CERKL: variants seen among roughly 807,000 people sequenced by gnomAD.
The protein encoded by CERKL is ceramide kinase-like protein.
In CERKL, 61 loss-of-function variants were observed where a neutral mutation model predicts 63.4. That is an observed-to-expected ratio of 0.96 (90% CI 0.78 to 1.19). CERKL has a LOEUF of 1.19. Ranked by LOEUF, CERKL falls within the 50% of genes most tolerant of loss-of-function variation. The probability of loss-of-function intolerance (pLI) is 0.00; values close to 1 mark genes in which losing one functional copy is unlikely to be tolerated. For synonymous variants in CERKL, 250 were observed against 230.5 expected (o/e 1.08, Z -0.77); for missense variants, 675 against 655.5 (o/e 1.03, Z -0.33).
chr2:181,584,803 A>G (rs778515109), intron 2 of CERKL, among the ~76,000 whole-genome samples: 2 of 151,738 alleles, frequency 1.3e-5, no homozygotes, highest in East Asian at 1.9e-4. Context: ...TAAAATCCCC[A>G]AATAGCTCCC....
At chr2:181,654,230 G>A (rs1483695838) in intron 1 of CERKL, among the ~76,000 whole-genome samples, 4 of 150,574 alleles carry the variant, frequency 2.7e-5, no homozygotes, top group Non-Finnish European at 4.4e-5. Context: ...GCCTCTTTTC[G>A]AAAGCCTCAC....
chr2:181,566,758 G>A (rs1245261377), intron 3 of CERKL, among the ~76,000 whole-genome samples: 1 of 152,146 alleles, frequency 6.6e-6, no homozygotes, highest in East Asian at 1.9e-4. Context: ...AGTCACTGAT[G>A]CCCTATGCAG....
intron 1 of CERKL, among the ~76,000 whole-genome samples, chr2:181,618,925 A>AT (rs1052524449): frequency 2.3e-4 from 35 of 152,308 alleles, no homozygotes; most frequent in African/African-American, 7.9e-4. Flanking sequence ...AAATGGCATG[A>AT]TTTATGCATT....
chr2:181,632,750 C>T (rs1184519392), intron 1 of CERKL, among the ~76,000 whole-genome samples: 2 of 152,172 alleles, frequency 1.3e-5, no homozygotes, highest in African/African-American at 4.8e-5. Flanking sequence ...CCTCCCTCAT[C>T]CTGTGGCTCC....
At chr2:181,598,299 T>G (rs1259324011) in intron 2 of CERKL, among the ~76,000 whole-genome samples, 2 of 152,102 alleles carry the variant, frequency 1.3e-5, no homozygotes, top group East Asian at 3.9e-4. Context: ...ATTTTGGTGG[T>G]TGCCTTCAGA....
intron 1 of CERKL, among the ~76,000 whole-genome samples, chr2:181,652,880 T>C (rs1687998728): frequency 6.6e-6 from 1 of 152,086 alleles, no homozygotes; most frequent in Non-Finnish European, 1.5e-5. Flanking sequence ...GTTCAAGCAA[T>C]TCTCCTGCCT....
chr2:181,565,364 T>G, intron 4 of CERKL: 2 of 1,024,548 alleles, frequency 2.0e-6, no homozygotes, highest in South Asian at 2.5e-5. Context: ...GTCTTACACA[T>G]CAGTCCAACA....
At chr2:181,561,964 C>G (rs964178842) in intron 4 of CERKL, among the ~76,000 whole-genome samples, 2 of 152,156 alleles carry the variant, frequency 1.3e-5, no homozygotes, top group African/African-American at 4.8e-5. Flanking sequence ...CAGGCACACA[C>G]CATCACACCC....
chr2:181,556,046 C>A (rs950148529), intron 5 of CERKL, among the ~76,000 whole-genome samples: 7 of 152,010 alleles, frequency 4.6e-5, no homozygotes, highest in African/African-American at 1.4e-4. Context: ...GCCACTGCAC[C>A]CGGCCTTATT....
chr2:181,646,611 G>A (rs1028814294), intron 1 of CERKL, among the ~76,000 whole-genome samples: 1 of 152,194 alleles, frequency 6.6e-6, no homozygotes, highest in Non-Finnish European at 1.5e-5. Flanking sequence ...AGGAACAGCA[G>A]ATCAGACCAC....
intron 1 of CERKL, among the ~76,000 whole-genome samples, chr2:181,646,737 A>G (rs1289069752): frequency 6.6e-6 from 1 of 152,218 alleles, no homozygotes; most frequent in Admixed American, 6.5e-5. Context: ...AAGTCAAATG[A>G]AGGAGAAATA....
chr2:181,657,054 G>C lies in CERKL; in HGVS notation c.-48C>G. ...GAGCCAGGGGTCCGGGGAGGCCTTT[G>C]GAGAAGGAGGTGGAGGGCGCGGCAG... On this transcript the variant is annotated 5_prime_UTR_variant, in exon 1 of 13. Coordinates refer to ENST00000410087, the MANE Select transcript of CERKL (RefSeq NM_201548.5). The C allele has an allele frequency of 6.6e-7, 1 of 1,503,984 alleles. No individual in the cohort carries two copies. Among genetic ancestry groups the C allele is most frequent in the African/African-American group, 1.4e-5 (1 of 72,592 alleles). The allele number at this position is 1,503,984 out of a possible 1,614,324, so 93.2% of individuals were successfully genotyped here. A position where few individuals can be genotyped will look rare whatever the true frequency, so the allele number is the denominator to read the frequency against.
At chr2:181,538,393 CTGAT>C in intron 12 of CERKL, 149 bp from the exon 13 acceptor site, 1 of 611,094 alleles carries the variant, frequency 1.6e-6, no homozygotes, top group South Asian at 2.0e-5. Flanking sequence ...CTGAGAAGGT[CTGAT>C]TGATAAATCA....
At chr2:181,653,088 A>C (rs1291843851) in intron 1 of CERKL, among the ~76,000 whole-genome samples, 2 of 152,170 alleles carry the variant, frequency 1.3e-5, no homozygotes, top group Non-Finnish European at 2.9e-5. Flanking sequence ...GATTTTTTAA[A>C]TGGGCAAACG....
chr2:181,548,875 A>T lies in CERKL; in HGVS notation c.896-18T>A, dbSNP rs13003064. 0.59 allele frequency: 948,370 copies of T among 1,607,236 alleles called. 284,103 individuals carry two copies. Among genetic ancestry groups the T allele is most frequent in the South Asian group, 0.84 (76,047 of 90,950 alleles). ...TACATGCCCTTGAATATTACATTAA[A>T]TATTAATCAGTGAGTACAGTAGGAC... is the stretch of plus-strand genomic sequence containing the variant. On this transcript the variant is annotated intron_variant, in intron 6 of 12. Coordinates refer to ENST00000410087, the MANE Select transcript of CERKL (RefSeq NM_201548.5).
At chr2:181,630,298 G>A (rs1343411970) in intron 1 of CERKL, among the ~76,000 whole-genome samples, 2 of 151,892 alleles carry the variant, frequency 1.3e-5, no homozygotes, top group African/African-American at 2.4e-5. Flanking sequence ...TACCTTCCCT[G>A]GCCTCCCAAA....
At chr2:181,575,503 CAG>C (rs567515065) in intron 2 of CERKL, among the ~76,000 whole-genome samples, 174 of 152,276 alleles carry the variant, frequency 1.1e-3, no homozygotes, top group African/African-American at 3.2e-3. Flanking sequence ...CAAAGTACAA[CAG>C]AGTGTGTGAG....
At chr2:181,620,735 C>A (rs1377641484) in intron 1 of CERKL, among the ~76,000 whole-genome samples, 1 of 152,100 alleles carries the variant, frequency 6.6e-6, no homozygotes, top group Non-Finnish European at 1.5e-5. Flanking sequence ...AGCAATGGGA[C>A]CACTGTGGTC....
chr2:181,604,262 A>C (rs1191112178), intron 1 of CERKL, among the ~76,000 whole-genome samples, 183 bp from the exon 2 acceptor site: 1 of 152,170 alleles, frequency 6.6e-6, no homozygotes, highest in East Asian at 1.9e-4. Context: ...CCATGACACA[A>C]ATGTACCTAT....
Sources: gnomAD v4.1 joint callset for allele counts (sites outside exome capture counted in the v4.1 genomes callset) on GRCh38, gnomAD v4.1.1 for gene constraint, MANE v1.5 for transcripts, NCBI Gene and HGNC (gene_info 2026-07-23, HGNC 2026-07-21) for gene names.